Variants in ATR observed in about 807,000 individuals in gnomAD.
ATR encodes serine/threonine-protein kinase ATR.
A neutral mutation model predicts 305.3 loss-of-function variants in ATR; 142 were observed. The ratio of observed to expected loss-of-function variants is 0.47; its 90% CI spans 0.41 to 0.53. ATR has a LOEUF of 0.53. Among genes scored for constraint, ATR ranks in the 20% least tolerant of loss-of-function variants. ATR has a pLI of 0.00. For synonymous variants in ATR, 1,050 were observed against 1,068.1 expected, an observed-to-expected ratio of 0.98 and a Z score of 0.33; for missense variants, 2,135 against 3,133.1, an observed-to-expected ratio of 0.68 and a Z score of 7.60.
intron 35 of ATR, 64 bp from the exon 36 acceptor site, chr3:142,485,346 T>C: frequency 1.3e-6 from 2 of 1,570,844 alleles, no homozygotes; most frequent in Non-Finnish European, 1.7e-6. Context: ...AAGTAAAATA[T>C]GAATAGATGA....
intron 5 of ATR, among the ~76,000 whole-genome samples, chr3:142,560,734 G>T (rs1304094607): frequency 6.6e-6 from 1 of 151,980 alleles, no homozygotes; most frequent in African/African-American, 2.4e-5. Flanking sequence ...CTAATTTTTT[G>T]TATTTTTAGT....
chr3:142,560,473 TAG>T lies in ATR; in HGVS notation c.1350-21_1350-20del, dbSNP rs1271809725. On this transcript the variant is annotated intron_variant, in intron 5 of 46. Coordinates refer to ENST00000350721, the MANE Select transcript of ATR (RefSeq NM_001184.4). Reference sequence around the variant, plus strand: ...TTTAATTCTATAATTATGAATATAGTAGAGAGATATTCATATGCAATATAAAT... The same window carrying T: ...TTTAATTCTATAATTATGAATATAGTAGAGATATTCATATGCAATATAAAT... 1.7e-5 allele frequency: 26 copies of T among 1,559,692 alleles called. No individual in the cohort carries two copies. The highest frequency in any genetic ancestry group is 2.1e-5 in the Non-Finnish European group (24 of 1,131,074).
intron 19 of ATR, among the ~76,000 whole-genome samples, chr3:142,536,720 G>A (rs954058107): frequency 1.3e-5 from 2 of 152,198 alleles, no homozygotes; most frequent in African/African-American, 4.8e-5. Context: ...GGCCACATCA[G>A]TGACCACTTG....
At chr3:142,487,702 C>T (rs1417864939) in intron 35 of ATR, among the ~76,000 whole-genome samples, 1 of 152,092 alleles carries the variant, frequency 6.6e-6, no homozygotes, top group Non-Finnish European at 1.5e-5. Flanking sequence ...TAATGTATTG[C>T]AAATATCTTC....
intron 36 of ATR, among the ~76,000 whole-genome samples, chr3:142,476,546 C>G (rs1577528974): frequency 6.6e-6 from 1 of 151,414 alleles, no homozygotes; most frequent in African/African-American, 2.4e-5. Context: ...CAGCTTTGTT[C>G]TTTTGGCTTA....
At chr3:142,517,948 T>C (rs1244514499) in intron 24 of ATR, among the ~76,000 whole-genome samples, 2 of 152,226 alleles carry the variant, frequency 1.3e-5, no homozygotes, top group Admixed American at 1.3e-4. Context: ...ACAATAATCA[T>C]ACAAAGTGGG....
In ATR at chr3:142,562,331, C is replaced by T; in HGVS notation, c.1071G>A (p.Val357=). 1 of 1,614,046 alleles carries T rather than the reference C, an allele frequency of 6.2e-7. No individual in the cohort carries two copies. Among genetic ancestry groups the T allele is most frequent in the Non-Finnish European group, 8.5e-7 (1 of 1,179,982 alleles). Residue 357 remains valine, a synonymous_variant, in exon 4 of 47, where the codon GTG becomes GTA. Coordinates refer to ENST00000350721, the MANE Select transcript of ATR (RefSeq NM_001184.4). The part of the protein sequence containing the change: ...CHLLQYFLKF[V]PAGYESALQV... ...GTAAAGCAGATTCATACCCAGCTGG[C>T]ACAAATTTAAGGAAATACTGCAGTA...
chr3:142,474,673 T>G (rs1255831048), intron 36 of ATR, among the ~76,000 whole-genome samples: 1 of 152,192 alleles, frequency 6.6e-6, no homozygotes, highest in African/African-American at 2.4e-5. Context: ...CGTCTGCAAA[T>G]AGAAAAAAAT....
chr3:142,554,037 T>C (rs749132089), intron 10 of ATR, 22 bp from the exon 11 acceptor site: 1 of 1,553,030 alleles, frequency 6.4e-7, no homozygotes, highest in Non-Finnish European at 8.8e-7. Context: ...GAGTATACAA[T>C]ACCTAATTTA....
At position 142,485,126 on chromosome 3, in the gene ATR, G is replaced by T; in HGVS notation, c.6221+14C>A. 1 of 1,613,984 alleles carries T rather than the reference G, an allele frequency of 6.2e-7. No homozygotes were observed. The highest frequency in any genetic ancestry group is 1.3e-5 in the African/African-American group (1 of 75,036). On this transcript the variant is annotated intron_variant, in intron 36 of 46. Transcript: ENST00000350721. ...TACATATTTAATCTGCAAACATGCA[G>T]TTCTCATACTCACCTGCCAAAATGA... is the stretch of plus-strand genomic sequence containing the variant.
chr3:142,479,540 T>A (rs2030251256), intron 36 of ATR, among the ~76,000 whole-genome samples: 2 of 152,208 alleles, frequency 1.3e-5, no homozygotes, highest in African/African-American at 4.8e-5. Context: ...TCATTTCAAC[T>A]TTGGTGAATC....
rs554002719 is a variant in ATR, at chr3:142,476,679, T to A, written c.6222-6496A>T. ...GATGGCATTGAATCTATAAATTACC[T>A]TGGGCAGTATGGCCATTTTCACGAT... On this transcript the variant is annotated intron_variant, in intron 36 of 46. Transcript: ENST00000350721. 4.6e-5 allele frequency among the ~76,000 whole-genome samples: 7 copies of A among 152,324 alleles called. No homozygotes were observed. In the South Asian group the frequency reaches 1.5e-3, roughly 32 times the overall value.
chr3:142,450,855 G>A, intron 46 of ATR: 3 of 1,343,792 alleles, frequency 2.2e-6, no homozygotes, highest in Non-Finnish European at 2.9e-6. Flanking sequence ...TTCTGGAAGT[G>A]TTCTCCGACC....
At chr3:142,449,899 T>C in intron 46 of ATR, 1 of 428,730 alleles carries the variant, frequency 2.3e-6, no homozygotes, top group African/African-American at 2.0e-5. Context: ...AAATCTGCTT[T>C]GGAAGTGTTT....
intron 36 of ATR, among the ~76,000 whole-genome samples, chr3:142,482,709 G>A (rs1296323732): frequency 6.6e-6 from 1 of 151,924 alleles, no homozygotes; most frequent in Non-Finnish European, 1.5e-5. Context: ...GGTGGCATGT[G>A]CCTATAGTCC....
At chr3:142,538,437 C>T (rs2108431868) in intron 19 of ATR, 45 bp downstream of exon 19, 2 of 1,574,806 alleles carry the variant, frequency 1.3e-6, no homozygotes, top group Non-Finnish European at 1.7e-6. Flanking sequence ...CATAAAAATA[C>T]AGTTTAAAAA....
chr3:142,493,457 TA>T, intron 34 of ATR, 146 bp from the exon 35 acceptor site: 1 of 982,946 alleles, frequency 1.0e-6, no homozygotes, highest in Non-Finnish European at 1.5e-6. Flanking sequence ...AGTAAAATTC[TA>T]AAACTGAAAC....
At chr3:142,492,537 T>A (rs1376193853) in intron 35 of ATR, among the ~76,000 whole-genome samples, 1 of 152,228 alleles carries the variant, frequency 6.6e-6, no homozygotes. Flanking sequence ...ATTTCCTTTC[T>A]TCTACTTTTT....
intron 29 of ATR, among the ~76,000 whole-genome samples, chr3:142,503,808 T>C (rs950435407): frequency 1.3e-5 from 2 of 152,222 alleles, no homozygotes; most frequent in African/African-American, 4.8e-5. Context: ...TAAATAAATG[T>C]AGACAACATA....
Sources: allele counts gnomAD v4.1 joint callset (sites outside exome capture counted in the v4.1 genomes callset), GRCh38; gene constraint gnomAD v4.1.1; transcripts MANE v1.5; gene names NCBI Gene and HGNC (gene_info 2026-07-23, HGNC 2026-07-21).